OTC: variants seen among roughly 807,000 people sequenced by gnomAD.
OTC encodes ornithine transcarbamylase, mitochondrial.
Under a neutral mutation model 30.3 loss-of-function variants are expected in OTC, and 3 were observed. The observed-to-expected ratio is 0.10, with a 90% CI of 0.05 to 0.26. The LOEUF is 0.26. OTC is among the 10% of genes least tolerant of loss of function. The pLI is 1.00. For missense variants in OTC, 194 were observed against 260.3 expected (o/e 0.75, Z 1.75); for synonymous variants, 111 against 99.7 (o/e 1.11, Z -0.67).
At chrX:38,420,997 T>A (rs2068592174) in intron 9 of OTC, 26 bp from the exon 10 acceptor site, 1 of 1,130,009 alleles carries the variant, frequency 8.8e-7, no homozygotes, top group African/African-American at 1.8e-5. Context: ...TTTATCCATT[T>A]CTTTCTTTCT....
At chrX:38,363,641 G>A (rs773477297) in intron 1 of OTC, among the ~76,000 whole-genome samples, 7 of 110,687 alleles carry the variant, frequency 6.3e-5, no homozygotes, top group South Asian at 3.9e-4. Context: ...AAATTTGTAC[G>A]TAAATACAAA....
intron 3 of OTC, among the ~76,000 whole-genome samples, chrX:38,371,839 A>G (rs1363541611): frequency 8.9e-6 from 1 of 112,349 alleles, no homozygotes; most frequent in Admixed American, 9.4e-5. Context: ...TATCTGACAG[A>G]TGGTAGGGAA....
chrX:38,413,706 G>C (rs750490731), intron 9 of OTC, among the ~76,000 whole-genome samples: 2 of 106,138 alleles, frequency 1.9e-5, no homozygotes, highest in Non-Finnish European at 3.9e-5. Flanking sequence ...GTCTCGCTCT[G>C]TTGCCCAGGC....
chrX:38,345,590 G>A, the OTC span, among the ~76,000 whole-genome samples: 1 of 108,817 alleles, frequency 9.2e-6, no homozygotes, highest in Non-Finnish European at 1.9e-5. Flanking sequence ...ACTCAGGCTG[G>A]AGTGCAGTGG....
At chrX:38,357,474 G>T (rs766315476) in intron 1 of OTC, among the ~76,000 whole-genome samples, 1 of 112,989 alleles carries the variant, frequency 8.9e-6, no homozygotes, top group Non-Finnish European at 1.9e-5. Flanking sequence ...GTCTCCAGAA[G>T]TTAAAGTCTT....
At chrX:38,331,582 C>T in the OTC span, among the ~76,000 whole-genome samples, 52 of 106,088 alleles carry the variant, frequency 4.9e-4, no homozygotes, top group Admixed American at 8.2e-4. Context: ...CCACGCCTGT[C>T]CTATATACTA....
chrX:38,332,450 G>A, the OTC span, among the ~76,000 whole-genome samples: 1 of 86,944 alleles, frequency 1.2e-5, no homozygotes, highest in Non-Finnish European at 2.2e-5. Context: ...CAAAAAGGTT[G>A]TGGACCACTG....
At chrX:38,401,473 T>G (rs1009302920) in intron 5 of OTC, 45 bp downstream of exon 5, 5 of 1,038,554 alleles carry the variant, frequency 4.8e-6, no homozygotes, top group Non-Finnish European at 6.8e-6. Context: ...ATCAAATAAT[T>G]CCTGACTTGC....
chrX:38,348,531 C>CTTTT (rs757547933), upstream of OTC, among the ~76,000 whole-genome samples: 1 of 46,522 alleles, frequency 2.1e-5, no homozygotes, highest in Non-Finnish European at 4.3e-5. Context: ...CTTGCAGGAA[C>CTTTT]TTTTTTTTTC....
chrX:38,413,971 G>A (rs989681686), intron 9 of OTC, among the ~76,000 whole-genome samples: 1 of 110,656 alleles, frequency 9.0e-6, no homozygotes, highest in Non-Finnish European at 1.9e-5. Context: ...ACCGTGCCAG[G>A]CCGGCACTTC....
downstream of OTC, among the ~76,000 whole-genome samples, chrX:38,422,264 A>G (rs2068599502): frequency 8.9e-6 from 1 of 112,276 alleles, no homozygotes; most frequent in African/African-American, 3.2e-5. Flanking sequence ...TGAAGGTGCA[A>G]TAAAACATTT....
At chrX:38,392,665 T>A (rs1320596469) in intron 4 of OTC, among the ~76,000 whole-genome samples, 1 of 112,211 alleles carries the variant, frequency 8.9e-6, no homozygotes, top group Non-Finnish European at 1.9e-5. Flanking sequence ...GTCTTTAATA[T>A]CTTTGTTCCC....
intron 3 of OTC, among the ~76,000 whole-genome samples, chrX:38,376,945 A>G (rs1252029206): frequency 8.9e-6 from 1 of 112,330 alleles, no homozygotes. Context: ...CTGAAAATCA[A>G]CAAAGAAACA....
upstream of OTC, among the ~76,000 whole-genome samples, chrX:38,348,225 C>T (rs765785181): frequency 3.5e-4 from 39 of 112,268 alleles, no homozygotes; most frequent in Non-Finnish European, 6.0e-4. Context: ...ATATTTGTCA[C>T]ACAATAACCT....
intron 3 of OTC, among the ~76,000 whole-genome samples, chrX:38,370,414 A>ACAT (rs1256890806): frequency 4.5e-5 from 5 of 111,795 alleles, no homozygotes; most frequent in Non-Finnish European, 5.6e-5. Flanking sequence ...GGTCATTAGA[A>ACAT]CATCATCATC....
chrX:38,370,202 C>G (rs1248312490), intron 3 of OTC, among the ~76,000 whole-genome samples: 1 of 112,474 alleles, frequency 8.9e-6, no homozygotes, highest in Non-Finnish European at 1.9e-5. Flanking sequence ...GTCTATTTTT[C>G]TAGCATGCAA....
chrX:38,373,833 T>C (rs1382721073), intron 3 of OTC: 1 of 112,076 alleles, frequency 8.9e-6, no homozygotes, highest in Non-Finnish European at 1.9e-5. Context: ...AAGAGCAAAA[T>C]AAGATTTACT....
chrX:38,341,124 AAC>A, the OTC span, among the ~76,000 whole-genome samples: 1 of 111,768 alleles, frequency 8.9e-6, no homozygotes, highest in Non-Finnish European at 1.9e-5. Flanking sequence ...GTAAATGAAA[AAC>A]ACACTTTTTT....
the OTC span, among the ~76,000 whole-genome samples, chrX:38,344,896 A>G: frequency 1.0e-5 from 1 of 99,263 alleles, no homozygotes; most frequent in Non-Finnish European, 2.0e-5. Context: ...CAATTCAAGT[A>G]AAAAAAAAAA....
Sources: gnomAD v4.1 joint callset for allele counts (sites outside exome capture counted in the v4.1 genomes callset) on GRCh38, gnomAD v4.1.1 for gene constraint, MANE v1.5 for transcripts, NCBI Gene and HGNC (gene_info 2026-07-23, HGNC 2026-07-21) for gene names.